GRIK1: variants seen among roughly 807,000 people sequenced by gnomAD.
The protein encoded by GRIK1 is glutamate receptor ionotropic, kainate 1.
Under a neutral mutation model 105.7 loss-of-function variants are expected in GRIK1, and 69 were observed. The observed-to-expected ratio is 0.65, with a 90% CI of 0.54 to 0.80. The LOEUF (loss-of-function observed/expected upper bound fraction) is 0.80, where lower values mean the gene tolerates loss of function less well. GRIK1 is among the 30% of genes least tolerant of loss of function. The pLI is 0.00. For missense variants in GRIK1, 1,109 were observed against 1,167.3 expected, an observed-to-expected ratio of 0.95 and a Z score of 0.73; for synonymous variants, 438 against 431.3, an observed-to-expected ratio of 1.02 and a Z score of -0.19.
In GRIK1 at chr21:29,811,133, G is replaced by A. The variant is rs567551037; in HGVS notation, c.119-117070C>T. ...AAAGTGTAAGTGGAGGGCGTCATTA[G>A]AGGCATTCCATCGCATTCTTGGTGA... On this transcript the variant is annotated intron_variant, in intron 1 of 17. Transcript: ENST00000327783. Among the ~76,000 whole-genome samples, 20 of 152,234 alleles carry A rather than the reference G, an allele frequency of 1.3e-4. 1 individual carries two copies. In the Middle Eastern group the frequency reaches 0.01, roughly 78 times the overall value.
intron 9 of GRIK1, among the ~76,000 whole-genome samples, chr21:29,594,829 T>C (rs1427101099): frequency 2.6e-5 from 4 of 152,174 alleles, no homozygotes; most frequent in Admixed American, 1.3e-4. Flanking sequence ...ACGAACCTTA[T>C]ATAACAAATA....
At position 29,551,234 on chromosome 21, in the gene GRIK1, C is replaced by T. The variant is rs564249420; in HGVS notation, c.2607+3818G>A. Reference sequence around the variant, plus strand: ...TGTAGTAAAGGAACATTTAGAGTGACGCTCTATGGGTTATTTAACTATGAA... The same window carrying T: ...TGTAGTAAAGGAACATTTAGAGTGATGCTCTATGGGTTATTTAACTATGAA... On this transcript the variant is annotated intron_variant, in intron 16 of 17. Coordinates refer to ENST00000327783, the MANE Select transcript of GRIK1 (RefSeq NM_001330994.2). Among the ~76,000 whole-genome samples the T allele has an allele frequency of 3.3e-5, 5 of 152,206 alleles. No individual in the cohort carries two copies. The South Asian group carries it at 8.3e-4, about 25-fold the overall frequency.
At chr21:29,707,352 A>G (rs918780300) in intron 1 of GRIK1, among the ~76,000 whole-genome samples, 1 of 151,578 alleles carries the variant, frequency 6.6e-6, no homozygotes, top group African/African-American at 2.4e-5. Flanking sequence ...ATTTCCTTCT[A>G]TTCTTTTCCT....
At chr21:29,843,234 T>C (rs909262892) in intron 1 of GRIK1, among the ~76,000 whole-genome samples, 3 of 152,182 alleles carry the variant, frequency 2.0e-5, no homozygotes, top group Non-Finnish European at 4.4e-5. Flanking sequence ...GTAATGACTA[T>C]TGCAGTGCAA....
At chr21:29,904,612 G>C (rs460875) in intron 1 of GRIK1, among the ~76,000 whole-genome samples, 33,477 of 152,014 alleles carry the variant, frequency 0.22, 4,193 homozygotes, top group African/African-American at 0.34. Flanking sequence ...GGGTTGCAAT[G>C]ATTTTACATG....
chr21:29,762,724 G>A (rs1348247169), intron 1 of GRIK1, among the ~76,000 whole-genome samples: 7 of 152,120 alleles, frequency 4.6e-5, no homozygotes, highest in Admixed American at 4.6e-4. Context: ...TTCAAATTGG[G>A]AGCCTCTACA....
intron 1 of GRIK1, among the ~76,000 whole-genome samples, chr21:29,722,315 G>A (rs552920796): frequency 6.6e-6 from 1 of 152,238 alleles, no homozygotes; most frequent in Non-Finnish European, 1.5e-5. Context: ...AAAGCACTTT[G>A]GGAGGCTGAG....
At chr21:29,937,475 C>A (rs936529735) in intron 1 of GRIK1, among the ~76,000 whole-genome samples, 1 of 152,164 alleles carries the variant, frequency 6.6e-6, no homozygotes, top group South Asian at 2.1e-4. Context: ...TGTTTGTTTT[C>A]ACCTTGAAAA....
Position 29,551,898 on chromosome 21 carries a change from A to AT in GRIK1, c.2607+3153dup, listed in dbSNP as rs544127453. Among the ~76,000 whole-genome samples, 40 of 152,250 alleles carry AT rather than the reference A, an allele frequency of 2.6e-4. 1 individual carries two copies. In the South Asian group the frequency reaches 7.2e-3, roughly 28 times the overall value. The stretch of plus-strand genomic sequence containing the variant: ...AATGTCATATTCATCCCAACATCTG[A>AT]TTCTATTGATTATGAAAATGTGAAC... On this transcript the variant is annotated intron_variant, in intron 16 of 17. Transcript: ENST00000327783.
chr21:29,586,572 T>G (rs183805567), intron 12 of GRIK1, among the ~76,000 whole-genome samples: 2 of 152,350 alleles, frequency 1.3e-5, no homozygotes, highest in African/African-American at 4.8e-5. Flanking sequence ...AAGCAATTAT[T>G]TTTTACATGG....
chr21:29,875,977 A>G (rs1009079945), intron 1 of GRIK1, among the ~76,000 whole-genome samples: 1 of 152,170 alleles, frequency 6.6e-6, no homozygotes, highest in Non-Finnish European at 1.5e-5. Context: ...TACTTAATGC[A>G]AGCACGTGAG....
At chr21:29,881,208 C>G (rs464668) in intron 1 of GRIK1, among the ~76,000 whole-genome samples, 1 of 152,016 alleles carries the variant, frequency 6.6e-6, no homozygotes, top group Admixed American at 6.6e-5. Context: ...CTTAGTATAG[C>G]TTTGCCTTAT....
chr21:29,871,190 A>C (rs909060790), intron 1 of GRIK1, among the ~76,000 whole-genome samples: 3 of 152,170 alleles, frequency 2.0e-5, no homozygotes, highest in Non-Finnish European at 4.4e-5. Context: ...GAGGGCAGGG[A>C]TTGCATCCTA....
At chr21:29,723,333 C>A (rs1185178201) in intron 1 of GRIK1, among the ~76,000 whole-genome samples, 3 of 152,182 alleles carry the variant, frequency 2.0e-5, no homozygotes, top group Non-Finnish European at 4.4e-5. Flanking sequence ...GGAATTGAAT[C>A]TTAACTGTTA....
intron 15 of GRIK1, among the ~76,000 whole-genome samples, chr21:29,560,364 T>TTCCTTCCTTC (rs2090394173): frequency 5.6e-5 from 2 of 35,930 alleles, no homozygotes; most frequent in African/African-American, 1.3e-4. Context: ...TCTTTTTCTT[T>TTCCTTCCTTC]CTTCCTTCCT....
intron 1 of GRIK1, among the ~76,000 whole-genome samples, chr21:29,744,370 A>G (rs1048246072): frequency 2.0e-5 from 3 of 152,140 alleles, no homozygotes; most frequent in South Asian, 2.1e-4. Flanking sequence ...AGGCCAACCA[A>G]CTTCCATCAG....
rs138065120 is a variant in GRIK1, at chr21:29,875,621, T to C, written c.118+63762A>G. 5.8e-3 allele frequency among the ~76,000 whole-genome samples: 888 copies of C among 152,280 alleles called. 8 individuals carry two copies. Among genetic ancestry groups the C allele is most frequent in the Non-Finnish European group, 9.0e-3 (612 of 68,020 alleles). Reference sequence around the variant, plus strand: ...CTCTCCTCTTTTTTCCCCCTTCTCTTCTTTTTAAAGAAATTTATGTAGAGC... The same window carrying C: ...CTCTCCTCTTTTTTCCCCCTTCTCTCCTTTTTAAAGAAATTTATGTAGAGC... On this transcript the variant is annotated intron_variant, in intron 1 of 17. Transcript: ENST00000327783.
intron 1 of GRIK1, among the ~76,000 whole-genome samples, chr21:29,858,648 C>T (rs940617220): frequency 6.6e-6 from 1 of 152,050 alleles, no homozygotes; most frequent in African/African-American, 2.4e-5. Context: ...GAGTTTGTTT[C>T]GGGAGCTAAG....
At chr21:29,868,636 GC>G (rs2068907066) in intron 1 of GRIK1, among the ~76,000 whole-genome samples, 1 of 151,992 alleles carries the variant, frequency 6.6e-6, no homozygotes, top group Non-Finnish European at 1.5e-5. Flanking sequence ...CCTCTCTTCA[GC>G]CCTCCTATCT....
Sources: allele counts gnomAD v4.1 joint callset (sites outside exome capture counted in the v4.1 genomes callset), GRCh38; gene constraint gnomAD v4.1.1; transcripts MANE v1.5; gene names NCBI Gene and HGNC (gene_info 2026-07-23, HGNC 2026-07-21).